ENC1: variants seen among roughly 807,000 people sequenced by gnomAD.
The protein encoded by ENC1 is ectoderm-neural cortex protein 1.
A neutral mutation model predicts 40.9 loss-of-function variants in ENC1; 19 were observed. That is an observed-to-expected ratio of 0.46 (90% CI 0.32 to 0.68). The LOEUF is 0.68. Among genes scored for constraint, ENC1 ranks in the 30% least tolerant of loss-of-function variants. The pLI is 0.03. For synonymous variants in ENC1, 285 were observed against 291.1 expected, an observed-to-expected ratio of 0.98 and a Z score of 0.21; for missense variants, 479 against 737.5, an observed-to-expected ratio of 0.65 and a Z score of 4.06.
At chr5:74,632,019 T>G (rs1436408643) in intron 2 of ENC1, 1 of 152,260 alleles carries the variant, frequency 6.6e-6, no homozygotes, top group Admixed American at 6.5e-5. Context: ...AGATTAAAGA[T>G]CAAACCACTC....
chr5:74,636,149 T>C lies in ENC1; in HGVS notation c.337A>G (p.Asn113Asp), dbSNP rs1201515174. Residue 113 changes from asparagine to aspartate, a missense_variant, in exon 2 of 3, where the codon AAT becomes GAT. Physicochemically the swap from Asn to Asp is conservative, Grantham distance 23. Transcript: ENST00000302351. The surrounding 1 kb of genome is among the most constrained non-coding windows in gnomAD (Gnocchi z 4.8). ...DYAYSSRVIINEENAESLLEA... is the reference protein window; with the variant it reads ...DYAYSSRVIIDEENAESLLEA... ...AGGAGCGATTCTGCATTTTCTTCAT[T>C]GATGATGACCCGGGAGGAGTACGCA... The C allele has an allele frequency of 4.3e-6, 7 of 1,613,952 alleles. No individual in the cohort carries two copies. Among genetic ancestry groups the C allele is most frequent in the Non-Finnish European group, 5.9e-6 (7 of 1,180,026 alleles).
rs1397439890 is a variant in ENC1, at chr5:74,629,145, C to T, written c.*880G>A. 2 of 152,180 alleles carry T rather than the reference C, an allele frequency of 1.3e-5. No individual in the cohort carries two copies. The highest frequency in any genetic ancestry group is 2.4e-5 in the African/African-American group (1 of 41,438). 9.4% of individuals were successfully genotyped at this position (152,180 alleles called of 1,614,324 possible). A position where few individuals can be genotyped will look rare whatever the true frequency, so the allele number is the denominator to read the frequency against. On this transcript the variant is annotated 3_prime_UTR_variant, in exon 3 of 3. Transcript: ENST00000302351. ...GTCATTTAAATTTCCATTTTGTCAT[C>T]CTTCCCTGTCTTGACATTTTAAAAA...
chr5:74,633,963 A>T (rs1208596693), intron 2 of ENC1, among the ~76,000 whole-genome samples: 1 of 152,238 alleles, frequency 6.6e-6, no homozygotes, highest in African/African-American at 2.4e-5. Flanking sequence ...GCACACAGTG[A>T]GGGCTCAATA....
rs1747268579 is a variant in ENC1 at position 74,628,259 on chromosome 5, A to C, written c.*1766T>G. Reference sequence around the variant, plus strand: ...CGGACAAACACAATTAGTCTAAAGTACTAAGGTGGAGAGAAATGTTAAGGA... The same window carrying C: ...CGGACAAACACAATTAGTCTAAAGTCCTAAGGTGGAGAGAAATGTTAAGGA... On this transcript the variant is annotated 3_prime_UTR_variant, in exon 3 of 3. Transcript: ENST00000302351. 1 of 152,674 alleles carries C rather than the reference A, an allele frequency of 6.5e-6. No individual in the cohort carries two copies. Among genetic ancestry groups the C allele is most frequent in the Admixed American group, 6.5e-5 (1 of 15,288 alleles). 9.5% of individuals were successfully genotyped at this position (152,674 alleles called of 1,614,324 possible).
rs990301262 is a variant in ENC1 at position 74,629,863 on chromosome 5, A to C, written c.*162T>G. On this transcript the variant is annotated 3_prime_UTR_variant, in exon 3 of 3. Transcript: ENST00000302351. ...TCCCTCGCCCCTTTCCTTCATGTCC[A>C]GTTAGAGCATTTACAAGGTGCAGCA... 76 of 122,844 alleles carry C rather than the reference A, an allele frequency of 6.2e-4. No homozygotes were observed. The highest frequency in any genetic ancestry group is 2.3e-3 in the African/African-American group (74 of 32,652). 7.6% of individuals were successfully genotyped at this position (122,844 alleles called of 1,614,324 possible). A position where few individuals can be genotyped will look rare whatever the true frequency, so the allele number is the denominator to read the frequency against.
rs1418237287 is a variant in ENC1, at chr5:74,635,621, G to C, written c.865C>G (p.Arg289Gly). Reference sequence around the variant, plus strand: ...AGGGCATGGCCAGTTTTCCGAGGTCGGGCACAGAGGCTGGTTACCACACCG... The same window carrying C: ...AGGGCATGGCCAGTTTTCCGAGGTCCGGCACAGAGGCTGGTTACCACACCG... ...NDGVVTSLCA[R>G]PRKTGHALFL... The change falls in exon 2 of 3, where the codon CGA (arginine) becomes GGA (glycine). Residue 289 changes from arginine (R) to glycine (G), a missense_variant. Physicochemically the swap from Arg to Gly is moderately radical, Grantham distance 125 (BLOSUM62 -2). Transcript: ENST00000302351. This position sits in a 1 kb window ranked among gnomAD's most constrained non-coding sequence, Gnocchi z 5.5. 6.2e-7 allele frequency: 1 copy of C among 1,614,162 alleles called. No homozygotes were observed. Among genetic ancestry groups the C allele is most frequent in the Non-Finnish European group, 8.5e-7 (1 of 1,180,024 alleles).
intron 2 of ENC1, among the ~76,000 whole-genome samples, chr5:74,632,459 CTGCTGCTT>C (rs1747426769): frequency 6.6e-6 from 1 of 152,228 alleles, no homozygotes; most frequent in Non-Finnish European, 1.5e-5. Flanking sequence ...CTGATTGTTC[CTGCTGCTT>C]TGAAGGAGTT....
Position 74,629,996 on chromosome 5 carries a change from A to G in ENC1, c.*33-4T>C, listed in dbSNP as rs1478370298. The G allele has an allele frequency of 6.6e-6, 1 of 152,088 alleles. No individual in the cohort carries two copies. Among genetic ancestry groups the G allele is most frequent in the Non-Finnish European group, 1.5e-5 (1 of 68,018 alleles). 9.4% of individuals were successfully genotyped at this position (152,088 alleles called of 1,614,324 possible). On this transcript the variant is annotated splice_region_variant and splice_polypyrimidine_tract_variant and intron_variant, in intron 2 of 2. Transcript: ENST00000302351. ...TCTCATCGAGTGATGGAGTGAGCTG[A>G]AATAGAAGGAAAAGGAAAAAAAACA...
At chr5:74,634,196 G>A (rs1335706683) in intron 2 of ENC1, among the ~76,000 whole-genome samples, 3 of 152,050 alleles carry the variant, frequency 2.0e-5, no homozygotes, top group African/African-American at 7.2e-5. Flanking sequence ...GGCGGATCAT[G>A]AGGTCAGGAG....
chr5:74,631,256 C>T (rs1004110738), intron 2 of ENC1, among the ~76,000 whole-genome samples: 1 of 152,096 alleles, frequency 6.6e-6, no homozygotes, highest in Non-Finnish European at 1.5e-5. Context: ...TGAGGCCACA[C>T]GGCACCATGA....
In ENC1 at chr5:74,640,621, G is replaced by C. The variant is rs775362686; in HGVS notation, c.-328C>G. ...AAGGAGGCGGGCTGTGCGCTCGGGG[G>C]AGGGAGCTAGAAAGCGCCTTGTGTG... On this transcript the variant is annotated 5_prime_UTR_variant, in exon 1 of 3. Transcript: ENST00000302351. 2 of 152,368 alleles carry C rather than the reference G, an allele frequency of 1.3e-5. No homozygotes were observed. The highest frequency in any genetic ancestry group is 2.4e-5 in the African/African-American group (1 of 41,446). The allele number at this position is 152,368 out of a possible 1,614,324, so 9.4% of individuals were successfully genotyped here.
intron 2 of ENC1, 29 bp downstream of exon 2, chr5:74,634,655 A>G (rs1304840397): frequency 1.8e-6 from 2 of 1,089,894 alleles, no homozygotes; most frequent in African/African-American, 1.5e-5. Context: ...AATTATATGC[A>G]TACTTACATC....
chr5:74,636,395 T>C lies in ENC1; in HGVS notation c.91A>G (p.Ser31Gly). ...YLFHKSSYAD[S>G]VLTHLNLLRQ... ...AAAAGATTCAGGTGAGTGAGGACGCTGTCAGCGTAGGAGGACTTGTGAAAC... is the reference window on the plus strand; with the variant it reads ...AAAAGATTCAGGTGAGTGAGGACGCCGTCAGCGTAGGAGGACTTGTGAAAC... Residue 31 changes from serine (S) to glycine (G), a missense_variant, in exon 2 of 3, where the codon AGC (serine) becomes GGC (glycine). Physicochemically the swap from Ser to Gly is moderately conservative, Grantham distance 56 (BLOSUM62 0). Transcript: ENST00000302351. The surrounding 1 kb of genome is among the most constrained non-coding windows in gnomAD (Gnocchi z 4.8). 1 of 1,614,130 alleles carries C rather than the reference T, an allele frequency of 6.2e-7. No individual in the cohort carries two copies. The highest frequency in any genetic ancestry group is 1.3e-5 in the African/African-American group (1 of 75,032).
chr5:74,635,091 G>GT lies in ENC1; in HGVS notation c.1394dup (p.Tyr465Ter), dbSNP rs1747529110. The change falls in exon 2 of 3, where the codon TAC becomes TAAC. Residue 465 changes from tyrosine (Y) to a stop codon, truncating the protein, a stop_gained and frameshift_variant. Coordinates refer to ENST00000302351, the MANE Select transcript of ENC1 (RefSeq NM_003633.4). LOFTEE classifies it high-confidence loss of function. The surrounding 1 kb of genome is among the most constrained non-coding windows in gnomAD (Gnocchi z 5.5). The part of the protein sequence containing the change: ...SHDKLPKVQC[Y>*]DQCENRWTVP... Reference sequence around the variant, plus strand: ...CAGTCCACCTGTTTTCACACTGATCGTAACACTGAACTTTGGGGAGCTTGT... The same window carrying GT: ...CAGTCCACCTGTTTTCACACTGATCGTTAACACTGAACTTTGGGGAGCTTGT... 6.2e-7 allele frequency: 1 copy of GT among 1,614,216 alleles called. No individual in the cohort carries two copies. Among genetic ancestry groups the GT allele is most frequent in the Non-Finnish European group, 8.5e-7 (1 of 1,180,030 alleles).
At chr5:74,631,953 G>A (rs990744037) in intron 2 of ENC1, among the ~76,000 whole-genome samples, 6 of 152,138 alleles carry the variant, frequency 3.9e-5, no homozygotes, top group African/African-American at 9.7e-5. Flanking sequence ...AGGTATTTTC[G>A]CCTCTTTTAA....
At chr5:74,631,868 A>G (rs1250797362) in intron 2 of ENC1, among the ~76,000 whole-genome samples, 1 of 152,158 alleles carries the variant, frequency 6.6e-6, no homozygotes, top group African/African-American at 2.4e-5. Context: ...AAGAAACCTC[A>G]TTTTCCTACC....
chr5:74,636,269 C>T lies in ENC1; in HGVS notation c.217G>A (p.Ala73Thr), dbSNP rs1301945163. The T allele has an allele frequency of 6.2e-7, 1 of 1,614,180 alleles. No individual in the cohort carries two copies. The change falls in exon 2 of 3, where the codon GCC (alanine) becomes ACC (threonine). Residue 73 changes from alanine (A) to threonine (T), a missense_variant. Transcript: ENST00000302351. The surrounding 1 kb of genome is among the most constrained non-coding windows in gnomAD (Gnocchi z 4.8). Reference sequence around the variant, plus strand: ...TCTTTCAGGCCACCACTGAACATGGCCTCAAAGTAGCGACTGCATGCAGCC... The same window carrying T: ...TCTTTCAGGCCACCACTGAACATGGTCTCAAAGTAGCGACTGCATGCAGCC... ...VLAACSRYFE[A>T]MFSGGLKESQ...
In ENC1 at chr5:74,636,961, C is replaced by T. The variant is rs899616767; in HGVS notation, c.-13-463G>A. Among the ~76,000 whole-genome samples the T allele has an allele frequency of 3.3e-4, 51 of 152,320 alleles. No individual in the cohort carries two copies. The highest frequency in any genetic ancestry group is 1.2e-3 in the African/African-American group (50 of 41,562). The stretch of plus-strand genomic sequence containing the variant: ...GCACTGGCTTTCATGCCCCATGCAA[C>T]ATAAAGCCATGCGTAAAACAAACAC... On this transcript the variant is annotated intron_variant, in intron 1 of 2. Transcript: ENST00000302351. The surrounding 1 kb of genome is among the most constrained non-coding windows in gnomAD (Gnocchi z 4.8).
At chr5:74,633,841 G>A (rs560233563) in intron 2 of ENC1, among the ~76,000 whole-genome samples, 5 of 152,272 alleles carry the variant, frequency 3.3e-5, no homozygotes, top group Admixed American at 6.5e-5. Context: ...CTTAGCCTCC[G>A]TAATGCATGA....
Sources: allele counts gnomAD v4.1 joint callset (sites outside exome capture counted in the v4.1 genomes callset), GRCh38; gene constraint gnomAD v4.1.1; non-coding constraint Gnocchi (gnomAD v3.1); transcripts MANE v1.5; gene names NCBI Gene and HGNC (gene_info 2026-07-23, HGNC 2026-07-21).